PHYH: variants seen among roughly 807,000 people sequenced by gnomAD.
The protein encoded by PHYH is phytanoyl-CoA 2-hydroxylase.
A neutral mutation model predicts 38.5 loss-of-function variants in PHYH; 32 were observed. The observed-to-expected ratio is 0.83, with a 90% confidence interval of 0.63 to 1.12. PHYH has a LOEUF of 1.12. Ranked by LOEUF, PHYH falls within the 50% of genes most tolerant of loss-of-function variation. PHYH has a pLI of 0.00. For synonymous variants in PHYH, 166 were observed against 157.9 expected (o/e 1.05, Z -0.38); for missense variants, 426 against 434.8 (o/e 0.98, Z 0.18).
chr10:13,287,251 A>G (rs1025043691), intron 6 of PHYH, among the ~76,000 whole-genome samples: 4 of 152,102 alleles, frequency 2.6e-5, no homozygotes, highest in South Asian at 2.1e-4. Context: ...AGGCAGGAGA[A>G]TCACCTGAAC....
intron 4 of PHYH, among the ~76,000 whole-genome samples, chr10:13,293,802 A>G (rs959948373): frequency 6.6e-6 from 1 of 152,048 alleles, no homozygotes; most frequent in Non-Finnish European, 1.5e-5. Flanking sequence ...AGTTTGGTAG[A>G]CTGTTGAGTT....
Position 13,282,755 on chromosome 10 carries a change from G to A in PHYH, c.828+935C>T, listed in dbSNP as rs148956776. Among the ~76,000 whole-genome samples the A allele has an allele frequency of 7.2e-3, 1,099 of 152,180 alleles. 4 individuals are homozygous for A. Among genetic ancestry groups the A allele is most frequent in the Middle Eastern group, 0.02 (6 of 294 alleles). ...TTTATTTAAACTTTTGGCATTGTGC[G>A]CAGCCAATACATTGGGTATTTTGCA... On this transcript the variant is annotated intron_variant, in intron 7 of 8. Transcript: ENST00000263038.
chr10:13,292,786 C>T (rs536697854), intron 4 of PHYH, among the ~76,000 whole-genome samples: 17 of 151,888 alleles, frequency 1.1e-4, no homozygotes, highest in African/African-American at 2.7e-4. Context: ...TACAAAAATT[C>T]GCCGGGCATG....
At chr10:13,287,206 G>T (rs1392997832) in intron 6 of PHYH, among the ~76,000 whole-genome samples, 1 of 151,942 alleles carries the variant, frequency 6.6e-6, no homozygotes, top group Non-Finnish European at 1.5e-5. Context: ...GGGTGTGGTG[G>T]TGCGCGCCTA....
At chr10:13,286,178 CT>C (rs1835544237) in intron 6 of PHYH, among the ~76,000 whole-genome samples, 1 of 152,138 alleles carries the variant, frequency 6.6e-6, no homozygotes, top group African/African-American at 2.4e-5. Context: ...CCCACAGGGT[CT>C]TTTCACCTTA....
At chr10:13,296,730 T>C (rs2484529) in intron 2 of PHYH, among the ~76,000 whole-genome samples, 50,067 of 145,112 alleles carry the variant, frequency 0.35, 9,104 homozygotes, top group East Asian at 0.79. Flanking sequence ...GAGGCTGAGG[T>C]GGGCGGATCA....
Position 13,299,760 on chromosome 10 carries a change from G to A in PHYH, c.75+208C>T, listed in dbSNP as rs1028570966. The A allele has an allele frequency of 3.1e-6, 4 of 1,309,402 alleles. No homozygotes were observed. The African/African-American group carries it at 4.7e-5, about 15-fold the overall frequency. 81.1% of individuals were successfully genotyped at this position (1,309,402 alleles called of 1,614,324 possible). On this transcript the variant is annotated intron_variant, in intron 1 of 8. Transcript: ENST00000263038. ...CGGCAATTGCCCCGACCCCAGGGCGGCCGCGCGTGTCCTCGGGGGACGCAG... is the reference window on the plus strand; with the variant it reads ...CGGCAATTGCCCCGACCCCAGGGCGACCGCGCGTGTCCTCGGGGGACGCAG...
intron 4 of PHYH, among the ~76,000 whole-genome samples, chr10:13,292,654 C>T (rs994477435): frequency 6.6e-6 from 1 of 152,084 alleles, no homozygotes; most frequent in Admixed American, 6.6e-5. Flanking sequence ...ACACTGAGGT[C>T]GGGTGCGTTA....
rs2131626558 is a variant in PHYH, at chr10:13,278,038, T to G, written c.*263A>C. The G allele has an allele frequency of 2.2e-6, 1 of 451,412 alleles. No individual in the cohort carries two copies. The highest frequency in any genetic ancestry group is 4.4e-5 in the East Asian group (1 of 22,638). 28.0% of individuals were successfully genotyped at this position (451,412 alleles called of 1,614,324 possible). Reference sequence around the variant, plus strand: ...AAAGAAATTGATTTAACACTTAAATTAGACACCAACCACCTTTATTGGCTG... The same window carrying G: ...AAAGAAATTGATTTAACACTTAAATGAGACACCAACCACCTTTATTGGCTG... On this transcript the variant is annotated 3_prime_UTR_variant, in exon 9 of 9. Coordinates refer to ENST00000263038, the MANE Select transcript of PHYH (RefSeq NM_006214.4).
At chr10:13,283,231 G>A (rs919783211) in intron 7 of PHYH, among the ~76,000 whole-genome samples, 19 of 150,008 alleles carry the variant, frequency 1.3e-4, no homozygotes, top group African/African-American at 3.9e-4. Context: ...TGGGGTTCAC[G>A]CCATTCTCCT....
chr10:13,279,740 G>A (rs543088848), intron 8 of PHYH, among the ~76,000 whole-genome samples: 16 of 152,250 alleles, frequency 1.1e-4, no homozygotes, highest in Admixed American at 3.3e-4. Flanking sequence ...AATGTGGGAG[G>A]TATTCATTTA....
chr10:13,299,946 C>G (rs370226880), intron 1 of PHYH, 22 bp downstream of exon 1: 4 of 1,514,700 alleles, frequency 2.6e-6, no homozygotes, highest in Admixed American at 4.1e-5. Context: ...CCAGCCCGAG[C>G]CCCGCGCAGC....
At position 13,299,982 on chromosome 10, in the gene PHYH, AG is replaced by A; in HGVS notation, c.60del (p.Ser21ArgfsTer6). 6.5e-7 allele frequency: 1 copy of A among 1,531,114 alleles called. No individual in the cohort carries two copies. 94.8% of individuals were successfully genotyped at this position (1,531,114 alleles called of 1,614,324 possible). A position where few individuals can be genotyped will look rare whatever the true frequency, so the allele number is the denominator to read the frequency against. Reference protein sequence around the residue: ...LQIVLGHLGRPSAGAVVAHPT... With the variant: ...LQIVLGHLGRXSAGAVVAHPT... ...CCAAAGGATACGACAGCCCCGGCCG[AG>A]GGGCGGCCGAGGTGGCCCAGAACAA... is the stretch of plus-strand genomic sequence containing the variant. On this transcript the variant is annotated frameshift_variant, in exon 1 of 9. Transcript: ENST00000263038. LOFTEE classifies it high-confidence loss of function.
At chr10:13,281,211 T>G in intron 7 of PHYH, 101 bp from the exon 8 acceptor site, 1 of 1,224,562 alleles carries the variant, frequency 8.2e-7, no homozygotes. Flanking sequence ...TTTCACTCAG[T>G]ATTTGATTTC....
At chr10:13,294,671 G>T (rs192988474) in intron 3 of PHYH, 75 bp from the exon 4 acceptor site, 2 of 1,338,888 alleles carry the variant, frequency 1.5e-6, no homozygotes, top group East Asian at 2.3e-5. Context: ...CTGTGGAAAG[G>T]GTTGCAGACT....
intron 4 of PHYH, among the ~76,000 whole-genome samples, chr10:13,293,911 T>C (rs1421729126): frequency 6.6e-6 from 1 of 152,092 alleles, no homozygotes; most frequent in African/African-American, 2.4e-5. Context: ...TCTTCAGAAA[T>C]GTAGGACACT....
chr10:13,283,861 G>T, intron 6 of PHYH, 22 bp from the exon 7 acceptor site: 1 of 1,606,490 alleles, frequency 6.2e-7, no homozygotes, highest in Non-Finnish European at 8.5e-7. Flanking sequence ...GGCAAGTGAA[G>T]TCTACATTTG....
At chr10:13,294,663 G>A in intron 3 of PHYH, 67 bp from the exon 4 acceptor site, 1 of 1,413,174 alleles carries the variant, frequency 7.1e-7, no homozygotes, top group Admixed American at 1.7e-5. Flanking sequence ...GCCCTCCTCT[G>A]TGGAAAGGGT....
At chr10:13,290,869 G>C (rs1217135047) in intron 5 of PHYH, among the ~76,000 whole-genome samples, 3 of 152,156 alleles carry the variant, frequency 2.0e-5, no homozygotes, top group African/African-American at 4.8e-5. Flanking sequence ...GGCCAAGGCA[G>C]GTGGATCATC....
Sources: gnomAD v4.1 joint callset for allele counts (sites outside exome capture counted in the v4.1 genomes callset) on GRCh38, gnomAD v4.1.1 for gene constraint, MANE v1.5 for transcripts, NCBI Gene and HGNC (gene_info 2026-07-23, HGNC 2026-07-21) for gene names.